Variants in GLRA3 observed in about 807,000 individuals in gnomAD.
GLRA3 encodes glycine receptor subunit alpha-3.
In GLRA3, 44 loss-of-function variants were observed where a neutral mutation model predicts 60.4. The observed-to-expected ratio is 0.73, with a 90% confidence interval of 0.57 to 0.94. The LOEUF is 0.94. GLRA3 is among the 40% of genes least tolerant of loss of function. The pLI, the probability that GLRA3 is intolerant of heterozygous loss-of-function variation, is 0.00. For missense variants in GLRA3, 508 were observed against 564.6 expected (o/e 0.90, Z 1.02); for synonymous variants, 223 against 192.9 (o/e 1.16, Z -1.29).
At chr4:174,752,728 AG>A (rs990368995) in intron 3 of GLRA3, among the ~76,000 whole-genome samples, 17 of 152,108 alleles carry the variant, frequency 1.1e-4, no homozygotes, top group African/African-American at 4.1e-4. Flanking sequence ...TTGCGGGTGA[AG>A]GTTGCCCAGG....
chr4:174,683,628 C>T (rs998806372), intron 5 of GLRA3, among the ~76,000 whole-genome samples: 1 of 152,052 alleles, frequency 6.6e-6, no homozygotes, highest in Admixed American at 6.6e-5. Flanking sequence ...GGATTACAGG[C>T]GTCAGCCACC....
intron 3 of GLRA3, among the ~76,000 whole-genome samples, chr4:174,730,312 A>AGT (rs1178180644): frequency 6.6e-6 from 1 of 152,174 alleles, no homozygotes. Flanking sequence ...GCCATTCTCC[A>AGT]GTGTGTGCCC....
chr4:174,654,678 A>C (rs571808532), intron 9 of GLRA3, among the ~76,000 whole-genome samples: 1 of 152,272 alleles, frequency 6.6e-6, no homozygotes, highest in African/African-American at 2.4e-5. Context: ...TCAACAAATA[A>C]CATGTTCGGA....
chr4:174,737,322 A>G (rs1412390208), intron 3 of GLRA3, among the ~76,000 whole-genome samples: 1 of 152,220 alleles, frequency 6.6e-6, no homozygotes, highest in Admixed American at 6.5e-5. Flanking sequence ...AGTTTTATTA[A>G]ACTATTAACA....
chr4:174,666,927 T>C (rs1252118177), intron 7 of GLRA3, among the ~76,000 whole-genome samples: 1 of 151,644 alleles, frequency 6.6e-6, no homozygotes, highest in Non-Finnish European at 1.5e-5. Flanking sequence ...GGGTTTGTCA[T>C]AGGGAGGATT....
intron 9 of GLRA3, among the ~76,000 whole-genome samples, chr4:174,647,126 G>T (rs1732849379): frequency 6.6e-6 from 1 of 152,166 alleles, no homozygotes; most frequent in African/African-American, 2.4e-5. Flanking sequence ...AATTTCGGGG[G>T]CTGGGGGCGG....
chr4:174,789,943 G>T (rs1326628275), intron 1 of GLRA3, among the ~76,000 whole-genome samples: 1 of 152,138 alleles, frequency 6.6e-6, no homozygotes, highest in Non-Finnish European at 1.5e-5. Flanking sequence ...AACAAGATCA[G>T]TTATTAAATT....
chr4:174,637,972 AT>A lies in GLRA3; in HGVS notation c.*5813del. The stretch of plus-strand genomic sequence containing the variant: ...TACAATGCTCTCATGAATGGTTTAA[AT>A]AAGAATAAAGCTAGTGATAAGGGGT... On this transcript the variant is annotated 3_prime_UTR_variant, in exon 10 of 10. Transcript: ENST00000274093. 6.6e-6 allele frequency: 1 copy of A among 151,842 alleles called. No homozygotes were observed. The highest frequency in any genetic ancestry group is 1.9e-4 in the East Asian group (1 of 5,190). 9.4% of individuals were successfully genotyped at this position (151,842 alleles called of 1,614,324 possible). A position where few individuals can be genotyped will look rare whatever the true frequency, so the allele number is the denominator to read the frequency against.
chr4:174,663,680 C>A (rs1041517662), intron 7 of GLRA3, among the ~76,000 whole-genome samples: 17 of 152,196 alleles, frequency 1.1e-4, no homozygotes, highest in African/African-American at 4.1e-4. Context: ...CCGCCAAGTA[C>A]AGCAAACACA....
chr4:174,642,477 G>A lies in GLRA3; in HGVS notation c.*1309C>T. 1 of 977,158 alleles carries A rather than the reference G, an allele frequency of 1.0e-6. No individual in the cohort carries two copies. The highest frequency in any genetic ancestry group is 1.2e-6 in the Non-Finnish European group (1 of 822,558). The allele number at this position is 977,158 out of a possible 1,614,324, so 60.5% of individuals were successfully genotyped here. On this transcript the variant is annotated 3_prime_UTR_variant, in exon 10 of 10. Coordinates refer to ENST00000274093, the MANE Select transcript of GLRA3 (RefSeq NM_006529.4). The stretch of plus-strand genomic sequence containing the variant: ...TTAAAAAAATAGCAAAACTGAAAAA[G>A]AGTCAGAGTCTGGTTCTGTTTACCA...
chr4:174,751,123 T>C (rs1047646818), intron 3 of GLRA3, among the ~76,000 whole-genome samples: 1 of 151,990 alleles, frequency 6.6e-6, no homozygotes, highest in Non-Finnish European at 1.5e-5. Flanking sequence ...TCTATCTACC[T>C]ACCTACCTTC....
intron 6 of GLRA3, among the ~76,000 whole-genome samples, chr4:174,678,897 C>G (rs544685490): frequency 1.3e-5 from 2 of 151,884 alleles, no homozygotes; most frequent in Admixed American, 1.3e-4. Context: ...CTAAGTAATC[C>G]CATAGCATAA....
intron 3 of GLRA3, among the ~76,000 whole-genome samples, chr4:174,754,204 T>A (rs1023224691): frequency 1.3e-5 from 2 of 152,178 alleles, no homozygotes; most frequent in African/African-American, 4.8e-5. Context: ...GATTTATTCA[T>A]ATGCCTCATG....
intron 4 of GLRA3, among the ~76,000 whole-genome samples, chr4:174,724,235 T>C (rs962466962): frequency 1.3e-5 from 2 of 152,020 alleles, no homozygotes; most frequent in Non-Finnish European, 2.9e-5. Flanking sequence ...TATAGGCCCT[T>C]TTTTGTTGCT....
intron 3 of GLRA3, among the ~76,000 whole-genome samples, chr4:174,745,889 T>G (rs1342539484): frequency 6.6e-6 from 1 of 151,882 alleles, no homozygotes. Context: ...AACACATATC[T>G]TAAAAAGTGC....
chr4:174,777,778 A>G (rs910895749), intron 2 of GLRA3, among the ~76,000 whole-genome samples: 1 of 152,204 alleles, frequency 6.6e-6, no homozygotes, highest in East Asian at 1.9e-4. Flanking sequence ...GAAGATGCCA[A>G]TAACAGGGTA....
chr4:174,737,847 A>G (rs1372934329), intron 3 of GLRA3, among the ~76,000 whole-genome samples: 3 of 152,190 alleles, frequency 2.0e-5, no homozygotes, highest in Non-Finnish European at 2.9e-5. Flanking sequence ...TTACATTTTA[A>G]CTGATATTTA....
At chr4:174,822,537 G>A (rs1276091096) in intron 1 of GLRA3, among the ~76,000 whole-genome samples, 1 of 152,100 alleles carries the variant, frequency 6.6e-6, no homozygotes, top group African/African-American at 2.4e-5. Context: ...CTTATCACTA[G>A]GAATTTTAAA....
At chr4:174,722,044 A>C (rs1417975036) in intron 4 of GLRA3, among the ~76,000 whole-genome samples, 1 of 152,068 alleles carries the variant, frequency 6.6e-6, no homozygotes, top group Non-Finnish European at 1.5e-5. Context: ...ATCTATCTGT[A>C]TATCTATCTA....
Sources: gnomAD v4.1 joint callset for allele counts (sites outside exome capture counted in the v4.1 genomes callset) on GRCh38, gnomAD v4.1.1 for gene constraint, MANE v1.5 for transcripts, NCBI Gene and HGNC (gene_info 2026-07-23, HGNC 2026-07-21) for gene names.